Variants in SHC3 observed in about 807,000 individuals in gnomAD.
The protein encoded by SHC3 is SHC-transforming protein 3.
In SHC3, 15 loss-of-function variants were observed where a neutral mutation model predicts 60.4. That is an observed-to-expected ratio of 0.25 (90% CI 0.17 to 0.38). The LOEUF is 0.38. Ranked by LOEUF, SHC3 falls within the 10% of genes least tolerant of loss-of-function variation. The pLI, the probability that SHC3 is intolerant of heterozygous loss-of-function variation, is 1.00. For missense variants in SHC3, 677 were observed against 786.1 expected, an observed-to-expected ratio of 0.86 and a Z score of 1.66; for synonymous variants, 294 against 325.9, an observed-to-expected ratio of 0.90 and a Z score of 1.05.
chr9:89,016,116 C>T (rs980820112), intron 11 of SHC3, among the ~76,000 whole-genome samples: 2 of 151,642 alleles, frequency 1.3e-5, no homozygotes, highest in African/African-American at 4.8e-5. Flanking sequence ...AACCTCTAGC[C>T]AGGCTAAGAA....
At chr9:89,151,906 G>A (rs1826551043) in intron 1 of SHC3, among the ~76,000 whole-genome samples, 3 of 151,974 alleles carry the variant, frequency 2.0e-5, no homozygotes, top group African/African-American at 7.3e-5. Flanking sequence ...AGCATGTATT[G>A]CCCTAATAAA....
Position 89,034,480 on chromosome 9 carries a change from C to T in SHC3, c.1656+3513G>A, listed in dbSNP as rs186555493. Among the ~76,000 whole-genome samples, 464 of 152,292 alleles carry T rather than the reference C, an allele frequency of 3.0e-3. 2 individuals are homozygous for T. The highest frequency in any genetic ancestry group is 5.1e-3 in the Non-Finnish European group (348 of 68,026). ...GTCAGCCTCTGTAGGCGCCCCTAGT[C>T]AGAGCAATGGGGTGAAATACCACGT... On this transcript the variant is annotated intron_variant, in intron 11 of 11. Transcript: ENST00000375835.
chr9:89,039,615 G>C (rs1824640803), intron 10 of SHC3, among the ~76,000 whole-genome samples: 1 of 151,128 alleles, frequency 6.6e-6, no homozygotes, highest in Non-Finnish European at 1.5e-5. Context: ...ACCACCATCA[G>C]CATCACCGCC....
intron 11 of SHC3, among the ~76,000 whole-genome samples, chr9:89,024,800 G>A (rs972660112): frequency 2.0e-5 from 3 of 152,202 alleles, no homozygotes; most frequent in African/African-American, 7.2e-5. Flanking sequence ...CCTCCTGCAG[G>A]GTGGGCTGGG....
At chr9:89,130,717 C>A (rs893307557) in intron 1 of SHC3, among the ~76,000 whole-genome samples, 1 of 152,002 alleles carries the variant, frequency 6.6e-6, no homozygotes, top group Non-Finnish European at 1.5e-5. Flanking sequence ...TTGAAGCCAA[C>A]GAGAACAAAG....
intron 2 of SHC3, among the ~76,000 whole-genome samples, chr9:89,083,083 G>A (rs1190262086): frequency 6.6e-6 from 1 of 152,224 alleles, no homozygotes; most frequent in African/African-American, 2.4e-5. Flanking sequence ...AGCAGTCCTG[G>A]GTCTCTCCCT....
At chr9:89,051,453 GA>G (rs199769939) in intron 7 of SHC3, among the ~76,000 whole-genome samples, 2 of 150,778 alleles carry the variant, frequency 1.3e-5, no homozygotes, top group Admixed American at 1.3e-4. Flanking sequence ...GTTAAACACT[GA>G]AAAAAAAACC....
chr9:89,043,722 G>A (rs533242498), intron 9 of SHC3, among the ~76,000 whole-genome samples: 3 of 151,494 alleles, frequency 2.0e-5, no homozygotes, highest in South Asian at 2.1e-4. Flanking sequence ...GCATGATCTC[G>A]GCTCACTGCA....
At chr9:89,047,066 T>C in intron 7 of SHC3, 72 bp from the exon 8 acceptor site, 1 of 1,432,936 alleles carries the variant, frequency 7.0e-7, no homozygotes, top group Admixed American at 2.5e-5. Flanking sequence ...AATCTAATGT[T>C]AGCGCCTGTT....
At chr9:89,080,212 C>T (rs1260035063) in intron 2 of SHC3, among the ~76,000 whole-genome samples, 1 of 152,118 alleles carries the variant, frequency 6.6e-6, no homozygotes, top group Non-Finnish European at 1.5e-5. Flanking sequence ...CACTTAATCC[C>T]CATTTGAGTC....
intron 1 of SHC3, among the ~76,000 whole-genome samples, chr9:89,121,908 C>G (rs894849844): frequency 2.0e-5 from 3 of 152,152 alleles, no homozygotes; most frequent in Non-Finnish European, 2.9e-5. Flanking sequence ...CAGAGGTAGT[C>G]CATAAGAGCT....
chr9:89,134,372 A>C (rs999217007), intron 1 of SHC3, among the ~76,000 whole-genome samples: 8 of 152,118 alleles, frequency 5.3e-5, no homozygotes, highest in Admixed American at 4.6e-4. Flanking sequence ...ATCTAGAGTT[A>C]AAGGGGGTAT....
intron 11 of SHC3, 21 bp downstream of exon 11, chr9:89,037,972 C>G: frequency 6.2e-7 from 1 of 1,601,722 alleles, no homozygotes; most frequent in East Asian, 2.2e-5. Flanking sequence ...AGGTCCGGCC[C>G]CACCCCCACT....
intron 1 of SHC3, among the ~76,000 whole-genome samples, chr9:89,135,510 A>G (rs1055092199): frequency 2.6e-5 from 4 of 152,170 alleles, no homozygotes; most frequent in Non-Finnish European, 5.9e-5. Flanking sequence ...GATGCACCTT[A>G]TACAAATAAT....
chr9:89,033,590 T>C (rs181820264), intron 11 of SHC3, among the ~76,000 whole-genome samples: 38 of 152,350 alleles, frequency 2.5e-4, no homozygotes, highest in African/African-American at 9.1e-4. Context: ...CCAATCTTTG[T>C]GTTTGTTCAT....
chr9:89,166,967 G>A (rs1435476627), intron 1 of SHC3, among the ~76,000 whole-genome samples: 6 of 152,012 alleles, frequency 3.9e-5, no homozygotes, highest in Admixed American at 3.3e-4. Flanking sequence ...TACCAGCTGA[G>A]CTACTGCACT....
At chr9:89,125,572 G>C (rs1218017885) in intron 1 of SHC3, among the ~76,000 whole-genome samples, 1 of 152,070 alleles carries the variant, frequency 6.6e-6, no homozygotes, top group Non-Finnish European at 1.5e-5. Flanking sequence ...GAAGGTTAAG[G>C]CTTTCTTAGT....
chr9:89,034,167 A>T (rs772104188), intron 11 of SHC3, among the ~76,000 whole-genome samples: 3 of 152,218 alleles, frequency 2.0e-5, no homozygotes, highest in African/African-American at 7.2e-5. Flanking sequence ...GTGCTGAAGT[A>T]GTTGATAAAG....
At chr9:89,064,541 G>T (rs987782430) in intron 6 of SHC3, among the ~76,000 whole-genome samples, 1 of 152,100 alleles carries the variant, frequency 6.6e-6, no homozygotes, top group African/African-American at 2.4e-5. Context: ...TAGCTTTGGC[G>T]GTACCTTGGA....
Sources: gnomAD v4.1 joint callset for allele counts (sites outside exome capture counted in the v4.1 genomes callset) on GRCh38, gnomAD v4.1.1 for gene constraint, MANE v1.5 for transcripts, NCBI Gene and HGNC (gene_info 2026-07-23, HGNC 2026-07-21) for gene names.